The following KIZ variants were observed in gnomAD, a reference collection of about 807,000 sequenced individuals.
KIZ encodes centrosomal protein kizuna.
Under a neutral mutation model 79.6 loss-of-function variants are expected in KIZ, and 68 were observed. That is an observed-to-expected ratio of 0.85 (90% CI 0.70 to 1.05). The LOEUF (loss-of-function observed/expected upper bound fraction) is 1.05, where lower values mean the gene tolerates loss of function less well. KIZ is among the 50% of genes least tolerant of loss of function. The pLI, the probability that KIZ is intolerant of heterozygous loss-of-function variation, is 0.00. For synonymous variants in KIZ, 280 were observed against 281.8 expected, an observed-to-expected ratio of 0.99 and a Z score of 0.06; for missense variants, 797 against 800.4, an observed-to-expected ratio of 1.00 and a Z score of 0.05.
At chr20:21,209,264 G>A (rs2035964387) in intron 7 of KIZ, among the ~76,000 whole-genome samples, 2 of 152,176 alleles carry the variant, frequency 1.3e-5, no homozygotes, top group African/African-American at 2.4e-5. Flanking sequence ...TTACATAATT[G>A]AGCTGCCTGC....
rs146207515 is a variant in KIZ at position 21,142,475 on chromosome 20, A to G, written c.316-3090A>G. Among the ~76,000 whole-genome samples, 367 of 152,188 alleles carry G rather than the reference A, an allele frequency of 2.4e-3. 8 individuals carry two copies. Among genetic ancestry groups the G allele is most frequent in the African/African-American group, 8.7e-3 (359 of 41,450 alleles). On this transcript the variant is annotated intron_variant, in intron 3 of 12. Coordinates refer to ENST00000619189, the MANE Select transcript of KIZ (RefSeq NM_018474.6). ...CTGTTATGGACCATGAACTACTACT[A>G]TGTGAGAACTAATGTGGTATTGATG... is the stretch of plus-strand genomic sequence containing the variant.
intron 11 of KIZ, among the ~76,000 whole-genome samples, chr20:21,236,397 C>T (rs1243760671): frequency 1.3e-5 from 2 of 152,138 alleles, no homozygotes; most frequent in African/African-American, 4.8e-5. Flanking sequence ...TGAAATTGCT[C>T]CTTTAGAAAT....
Position 21,132,168 on chromosome 20 carries a change from C to T in KIZ, c.152+9C>T, listed in dbSNP as rs1435227503. 15 of 1,390,670 alleles carry T rather than the reference C, an allele frequency of 1.1e-5. No homozygotes were observed. In the Admixed American group the frequency reaches 1.1e-4, roughly 10 times the overall value. The allele number at this position is 1,390,670 out of a possible 1,614,324, so 86.1% of individuals were successfully genotyped here. Reference sequence around the variant, plus strand: ...CAGTCTGATACATGCAGGTAAGAGACGACAGTGGGAACAGTTTTCAAGCCA... The same window carrying T: ...CAGTCTGATACATGCAGGTAAGAGATGACAGTGGGAACAGTTTTCAAGCCA... On this transcript the variant is annotated intron_variant, in intron 2 of 12. Transcript: ENST00000619189.
At chr20:21,166,909 TA>T (rs1215125337) in intron 6 of KIZ, among the ~76,000 whole-genome samples, 24 of 152,222 alleles carry the variant, frequency 1.6e-4, no homozygotes, top group Non-Finnish European at 3.5e-4. Flanking sequence ...CAGAGAGATT[TA>T]AAGCAGCTAA....
intron 6 of KIZ, among the ~76,000 whole-genome samples, chr20:21,189,882 G>A (rs1303538922): frequency 2.0e-5 from 3 of 152,128 alleles, no homozygotes; most frequent in South Asian, 2.1e-4. Flanking sequence ...CTCCTTTTTG[G>A]CATTGTGCTC....
intron 6 of KIZ, among the ~76,000 whole-genome samples, chr20:21,182,571 G>A (rs1050098728): frequency 1.3e-5 from 2 of 152,056 alleles, no homozygotes; most frequent in African/African-American, 2.4e-5. Context: ...CAAGGTGGGC[G>A]GATTGCCTGA....
intron 4 of KIZ, among the ~76,000 whole-genome samples, chr20:21,146,976 A>G (rs367807604): frequency 2.2e-4 from 34 of 152,272 alleles, no homozygotes; most frequent in African/African-American, 7.2e-4. Context: ...GTATGATGTG[A>G]TAGAATTTTA....
At chr20:21,131,432 G>C (rs997372589) in intron 1 of KIZ, among the ~76,000 whole-genome samples, 2 of 152,144 alleles carry the variant, frequency 1.3e-5, no homozygotes, top group Non-Finnish European at 2.9e-5. Flanking sequence ...GTCTTCATCA[G>C]ATGTAAGTGA....
At chr20:21,221,664 T>C (rs948331885) in intron 9 of KIZ, among the ~76,000 whole-genome samples, 5 of 152,176 alleles carry the variant, frequency 3.3e-5, no homozygotes, top group South Asian at 2.1e-4. Flanking sequence ...AAGACATCCA[T>C]TTAGAGTCTT....
intron 1 of KIZ, among the ~76,000 whole-genome samples, chr20:21,127,747 T>C (rs1232393009): frequency 1.3e-5 from 2 of 152,206 alleles, no homozygotes; most frequent in Admixed American, 6.5e-5. Flanking sequence ...AGTAGAAATA[T>C]CAAAACCTGG....
intron 1 of KIZ, among the ~76,000 whole-genome samples, chr20:21,127,435 A>G (rs2031553509): frequency 6.6e-6 from 1 of 152,212 alleles, no homozygotes; most frequent in African/African-American, 2.4e-5. Flanking sequence ...TTCCTGTGCT[A>G]GGAACACCTG....
At chr20:21,208,260 T>C (rs889482863) in intron 7 of KIZ, among the ~76,000 whole-genome samples, 2 of 152,194 alleles carry the variant, frequency 1.3e-5, no homozygotes, top group African/African-American at 4.8e-5. Context: ...TTTCCAATAA[T>C]GGGAGGGGGT....
At chr20:21,128,296 A>C (rs945565928) in intron 1 of KIZ, among the ~76,000 whole-genome samples, 1 of 152,210 alleles carries the variant, frequency 6.6e-6, no homozygotes, top group African/African-American at 2.4e-5. Flanking sequence ...TACAGGTGTG[A>C]GCCACTGCAC....
chr20:21,133,123 A>G (rs2031957881), intron 2 of KIZ: 3 of 152,264 alleles, frequency 2.0e-5, no homozygotes. Flanking sequence ...TCCATGTCAC[A>G]CTATGAGTGA....
chr20:21,173,924 A>G (rs1002919799), intron 6 of KIZ, among the ~76,000 whole-genome samples: 13 of 152,216 alleles, frequency 8.5e-5, no homozygotes, highest in African/African-American at 3.1e-4. Context: ...GAAGAACACT[A>G]GAGAGTGAAT....
intron 9 of KIZ, among the ~76,000 whole-genome samples, chr20:21,219,204 A>C (rs1040060431): frequency 6.6e-6 from 1 of 151,434 alleles, no homozygotes; most frequent in South Asian, 2.1e-4. Context: ...ATCGAGCTTA[A>C]TTATAGAGCG....
intron 6 of KIZ, among the ~76,000 whole-genome samples, chr20:21,188,620 G>A (rs558668684): frequency 7.3e-5 from 11 of 151,202 alleles, no homozygotes; most frequent in African/African-American, 1.7e-4. Flanking sequence ...TATTTAAAGC[G>A]GTCACTTTAG....
chr20:21,196,080 C>G (rs1293748948), intron 6 of KIZ: 2 of 152,416 alleles, frequency 1.3e-5, no homozygotes, highest in Non-Finnish European at 2.9e-5. Flanking sequence ...CAGGCTAACC[C>G]TCTGAAAAAC....
intron 3 of KIZ, among the ~76,000 whole-genome samples, chr20:21,136,774 T>A (rs2032215233): frequency 6.6e-6 from 1 of 152,082 alleles, no homozygotes; most frequent in African/African-American, 2.4e-5. Flanking sequence ...CACCCCAGGT[T>A]TATGTTTTGT....
Sources: gnomAD v4.1 joint callset for allele counts (sites outside exome capture counted in the v4.1 genomes callset) on GRCh38, gnomAD v4.1.1 for gene constraint, MANE v1.5 for transcripts, NCBI Gene and HGNC (gene_info 2026-07-23, HGNC 2026-07-21) for gene names.